The following NSUN6 variants were observed in gnomAD, a reference collection of about 807,000 sequenced individuals.
NSUN6 encodes the protein NOP2/Sun RNA methyltransferase 6, also known as tRNA (cytosine(72)-C(5))-methyltransferase NSUN6.
A neutral mutation model predicts 58.0 loss-of-function variants in NSUN6; 64 were observed. The observed-to-expected ratio is 1.10, with a 90% confidence interval of 0.90 to 1.36. NSUN6 has a LOEUF of 1.36. Among genes scored for constraint, NSUN6 ranks in the 40% most tolerant of loss-of-function variants. The pLI is 0.00. For missense variants in NSUN6, 701 were observed against 550.1 expected (o/e 1.27, Z -2.74); for synonymous variants, 231 against 193.9 (o/e 1.19, Z -1.59).
chr10:18,571,557 C>G (rs1303980006), intron 8 of NSUN6, among the ~76,000 whole-genome samples: 1 of 150,742 alleles, frequency 6.6e-6, no homozygotes, highest in Non-Finnish European at 1.5e-5. Flanking sequence ...CTATTCCATT[C>G]TCCATTCCAT....
At chr10:18,583,556 T>G (rs1333478740) in intron 8 of NSUN6, among the ~76,000 whole-genome samples, 1 of 152,130 alleles carries the variant, frequency 6.6e-6, no homozygotes, top group Non-Finnish European at 1.5e-5. Context: ...GCTGCCAGAC[T>G]TAGCAGGCAA....
intron 9 of NSUN6, chr10:18,551,611 C>G (rs1008675696): frequency 4.9e-6 from 2 of 411,118 alleles, no homozygotes; most frequent in Non-Finnish European, 8.6e-6. Context: ...CATGTTGTGC[C>G]TGTATCAGAA....
intron 8 of NSUN6, among the ~76,000 whole-genome samples, chr10:18,569,527 T>C (rs945449263): frequency 1.3e-5 from 2 of 151,458 alleles, no homozygotes; most frequent in Non-Finnish European, 3.0e-5. Context: ...TCCATTCCAT[T>C]CCATTCTTTT....
At chr10:18,558,322 A>G (rs12767068) in intron 8 of NSUN6, among the ~76,000 whole-genome samples, 110,286 of 146,904 alleles carry the variant, frequency 0.75, 40,682 homozygotes, top group East Asian at 0.98. Context: ...AATGGAGAAC[A>G]GAATGGAATG....
intron 3 of NSUN6, among the ~76,000 whole-genome samples, chr10:18,630,890 C>A (rs1442730436): frequency 1.3e-5 from 2 of 151,998 alleles, no homozygotes; most frequent in Non-Finnish European, 2.9e-5. Flanking sequence ...GGAATCCTCC[C>A]TAACTCATTT....
intron 7 of NSUN6, among the ~76,000 whole-genome samples, chr10:18,588,160 T>C (rs1389149601): frequency 6.6e-6 from 1 of 152,160 alleles, no homozygotes; most frequent in Non-Finnish European, 1.5e-5. Flanking sequence ...AGGTTTGGAC[T>C]GGGAAGAATT....
At position 18,604,704 on chromosome 10, in the gene NSUN6, A is replaced by G. The variant is rs796522282; in HGVS notation, c.657+5141T>C. Among the ~76,000 whole-genome samples, 725 of 151,828 alleles carry G rather than the reference A, an allele frequency of 4.8e-3. 19 individuals carry two copies. The highest frequency in any genetic ancestry group is 0.028 in the Admixed American group (424 of 15,260). On this transcript the variant is annotated intron_variant, in intron 6 of 10. Transcript: ENST00000377304. Reference sequence around the variant, plus strand: ...TTCAAGACCAGCCTGGCCAACATATAGTGAAATCCCATCTCTACTAAAAAT... The same window carrying G: ...TTCAAGACCAGCCTGGCCAACATATGGTGAAATCCCATCTCTACTAAAAAT...
chr10:18,600,959 T>TATATATACATAC, intron 6 of NSUN6, among the ~76,000 whole-genome samples: 1 of 64,926 alleles, frequency 1.5e-5, no homozygotes, highest in East Asian at 8.7e-4. Flanking sequence ...TATATATATA[T>TATATATACATAC]ACATATATAT....
intron 9 of NSUN6, among the ~76,000 whole-genome samples, chr10:18,550,057 C>A (rs1337950194): frequency 6.6e-6 from 1 of 152,222 alleles, no homozygotes; most frequent in East Asian, 1.9e-4. Flanking sequence ...CGATTTCTCT[C>A]CATGCCAAAT....
Position 18,598,975 on chromosome 10 carries a change from T to C in NSUN6, c.658-2648A>G, listed in dbSNP as rs148044616. On this transcript the variant is annotated intron_variant, in intron 6 of 10. Coordinates refer to ENST00000377304, the MANE Select transcript of NSUN6 (RefSeq NM_182543.5). ...AATACATTAAGAACTTTCTGATTTGTAATAAGTGAAAAAATATAAAACAGC... is the reference window on the plus strand; with the variant it reads ...AATACATTAAGAACTTTCTGATTTGCAATAAGTGAAAAAATATAAAACAGC... Among the ~76,000 whole-genome samples the C allele has an allele frequency of 6.6e-3, 1,007 of 152,310 alleles. 17 individuals are homozygous for C. Among genetic ancestry groups the C allele is most frequent in the African/African-American group, 0.024 (977 of 41,560 alleles).
chr10:18,568,392 TTCCATTC>T (rs758769108), intron 8 of NSUN6, among the ~76,000 whole-genome samples: 220 of 106,432 alleles, frequency 2.1e-3, no homozygotes, highest in African/African-American at 6.7e-3. Context: ...CCTTTCTCCA[TTCCATTC>T]TCCATTCCAT....
chr10:18,576,703 G>A (rs768520359), intron 8 of NSUN6, among the ~76,000 whole-genome samples: 9 of 152,146 alleles, frequency 5.9e-5, no homozygotes, highest in African/African-American at 9.7e-5. Flanking sequence ...CTTGGAGACC[G>A]GAAGGGATGC....
intron 6 of NSUN6, among the ~76,000 whole-genome samples, chr10:18,599,879 A>T (rs534537060): frequency 6.6e-6 from 1 of 152,298 alleles, no homozygotes; most frequent in South Asian, 2.1e-4. Context: ...TTTATTAGAC[A>T]ATTAGTTCAA....
chr10:18,545,870 A>AAAAAAT lies in NSUN6; in HGVS notation c.*62_*63insATTTTT. On this transcript the variant is annotated 3_prime_UTR_variant, in exon 11 of 11. Transcript: ENST00000377304. ...AGTTGGCCTGACAACACTTTGGTTA[A>AAAAAAT]AAAAAAAAAAACCACAGACAGCAAA... 2.5e-6 allele frequency: 2 copies of AAAAAAT among 789,206 alleles called. No individual in the cohort carries two copies. The highest frequency in any genetic ancestry group is 3.9e-6 in the Non-Finnish European group (2 of 515,366). The allele number at this position is 789,206 out of a possible 1,614,324, so 48.9% of individuals were successfully genotyped here. A position where few individuals can be genotyped will look rare whatever the true frequency, so the allele number is the denominator to read the frequency against.
intron 8 of NSUN6, among the ~76,000 whole-genome samples, chr10:18,573,158 C>T (rs1429846020): frequency 1.3e-5 from 2 of 151,280 alleles, no homozygotes; most frequent in East Asian, 3.9e-4. Flanking sequence ...CATTTCATTC[C>T]ATTCCATTCC....
At chr10:18,637,356 A>G (rs185172650) in intron 3 of NSUN6, among the ~76,000 whole-genome samples, 1 of 152,378 alleles carries the variant, frequency 6.6e-6, no homozygotes, top group East Asian at 1.9e-4. Flanking sequence ...TATTTTATAC[A>G]TTCACTTATG....
At chr10:18,566,887 C>A (rs1417460555) in intron 8 of NSUN6, among the ~76,000 whole-genome samples, 1 of 150,486 alleles carries the variant, frequency 6.6e-6, no homozygotes, top group East Asian at 2.0e-4. Context: ...TTCCATTCTC[C>A]ATTCCTTTCC....
At chr10:18,550,529 T>G (rs2054534204) in intron 9 of NSUN6, among the ~76,000 whole-genome samples, 1 of 152,112 alleles carries the variant, frequency 6.6e-6, no homozygotes, top group South Asian at 2.1e-4. Context: ...CACGCTGAAA[T>G]CCACTGAGTC....
At chr10:18,598,272 T>A (rs1264827477) in intron 6 of NSUN6, among the ~76,000 whole-genome samples, 1 of 152,072 alleles carries the variant, frequency 6.6e-6, no homozygotes, top group Non-Finnish European at 1.5e-5. Context: ...CTAATGATAA[T>A]CCCATCACCC....
Sources: allele counts gnomAD v4.1 joint callset (sites outside exome capture counted in the v4.1 genomes callset), GRCh38; gene constraint gnomAD v4.1.1; transcripts MANE v1.5; gene names NCBI Gene and HGNC (gene_info 2026-07-23, HGNC 2026-07-21).